The following RBMXL1 variants were observed in gnomAD, a reference collection of about 807,000 sequenced individuals.
RBMXL1 encodes the protein RNA binding motif protein, X-linked-like-1.
In RBMXL1, 18 loss-of-function variants were observed where a neutral mutation model predicts 29.0. The observed-to-expected ratio is 0.62, with a 90% CI of 0.43 to 0.92. The LOEUF is 0.92. RBMXL1 is among the 40% of genes least tolerant of loss of function. The pLI, the probability that RBMXL1 is intolerant of heterozygous loss-of-function variation, is 0.00. For synonymous variants in RBMXL1, 141 were observed against 170.4 expected, an observed-to-expected ratio of 0.83 and a Z score of 1.34; for missense variants, 403 against 495.8, an observed-to-expected ratio of 0.81 and a Z score of 1.78.
chr1:88,984,254 G>T (rs934008961), intron 2 of RBMXL1, among the ~76,000 whole-genome samples, 188 bp from the exon 3 acceptor site: 30 of 112,180 alleles, frequency 2.7e-4, no homozygotes, highest in African/African-American at 1.0e-3. Flanking sequence ...TCACAGTGTT[G>T]CCCAGGCTGG....
chr1:88,989,972 A>C (rs1013146535), intron 1 of RBMXL1, among the ~76,000 whole-genome samples: 3 of 152,152 alleles, frequency 2.0e-5, no homozygotes, highest in Non-Finnish European at 4.4e-5. Context: ...TTTCTACTAT[A>C]TTTTGTAGGT....
At chr1:88,985,740 C>A (rs1225637265) in intron 2 of RBMXL1, among the ~76,000 whole-genome samples, 1 of 152,190 alleles carries the variant, frequency 6.6e-6, no homozygotes, top group Middle Eastern at 3.4e-3. Context: ...TCATGGCATA[C>A]AATATATATA....
At chr1:88,990,631 TC>T (rs1422116272) in intron 1 of RBMXL1, among the ~76,000 whole-genome samples, 1 of 152,198 alleles carries the variant, frequency 6.6e-6, no homozygotes, top group African/African-American at 2.4e-5. Context: ...ATGATGGAAT[TC>T]CAAGACCTAG....
intron 2 of RBMXL1, among the ~76,000 whole-genome samples, chr1:88,986,244 C>G (rs1232821254): frequency 6.6e-6 from 1 of 150,634 alleles, no homozygotes; most frequent in Non-Finnish European, 1.5e-5. Flanking sequence ...AAGGACAGAC[C>G]TAAGGAAAAG....
chr1:88,987,451 T>G (rs1383893119), intron 2 of RBMXL1, among the ~76,000 whole-genome samples: 1 of 152,102 alleles, frequency 6.6e-6, no homozygotes, highest in Non-Finnish European at 1.5e-5. Flanking sequence ...CTGAGAAAAT[T>G]TTAAACCAGT....
chr1:88,992,311 C>T (rs904320321), intron 1 of RBMXL1, among the ~76,000 whole-genome samples: 3 of 152,380 alleles, frequency 2.0e-5, no homozygotes, highest in African/African-American at 7.2e-5. Context: ...TCTTCTCAGA[C>T]TGCCTTCTAA....
chr1:88,982,729 T>A lies in RBMXL1; in HGVS notation c.1098A>T (p.Ser366=). The part of the protein sequence containing the change: ...YPSSRDSYSS[S]SRGAPRGAGP... ...CAGCACCTCTTGGTGCTCCGCGGCT[T>A]GAACTGCTGTAGGAATCACGTGAAG... is the stretch of plus-strand genomic sequence containing the variant. The change falls in exon 3 of 3, where the codon TCA becomes TCT. Residue 366 remains serine, a synonymous_variant. Coordinates refer to ENST00000652648, the MANE Select transcript of RBMXL1 (RefSeq NM_001162536.3). The A allele has an allele frequency of 6.2e-7, 1 of 1,613,956 alleles. No homozygotes were observed. The highest frequency in any genetic ancestry group is 1.7e-5 in the Admixed American group (1 of 60,012).
chr1:88,983,531 G>A lies in RBMXL1; in HGVS notation c.296C>T (p.Pro99Leu), dbSNP rs747743165. Reference sequence around the variant, plus strand: ...TCTTGGAGGACCTCTACTTCTTGGAGGTGGGGGCGGTCCATGTCTACCTCT... The same window carrying A: ...TCTTGGAGGACCTCTACTTCTTGGAAGTGGGGGCGGTCCATGTCTACCTCT... ...FERGRHGPPP[P>L]PRSRGPPRGF... is the part of the protein sequence containing the mutation. Residue 99 changes from proline to leucine, a missense_variant, in exon 3 of 3, where the codon CCT (proline) becomes CTT (leucine). Physicochemically the swap from Pro to Leu is moderately conservative, Grantham distance 98 (BLOSUM62 -3). Transcript: ENST00000652648. 6.2e-7 allele frequency: 1 copy of A among 1,614,122 alleles called. No individual in the cohort carries two copies. The highest frequency in any genetic ancestry group is 2.2e-5 in the East Asian group (1 of 44,890).
rs376163037 is a variant in RBMXL1, at chr1:88,980,366, T to C, written c.*2288A>G. The C allele has an allele frequency of 7.9e-5, 12 of 152,416 alleles. No individual in the cohort carries two copies. The highest frequency in any genetic ancestry group is 7.7e-4 in the East Asian group (4 of 5,188). 9.4% of individuals were successfully genotyped at this position (152,416 alleles called of 1,614,324 possible). ...GAAATCATGCCTTCTTTTCTCCCTC[T>C]GGACCAAGCACCCGCCCAAGCAAGC... On this transcript the variant is annotated 3_prime_UTR_variant, in exon 3 of 3. Transcript: ENST00000652648.
rs539148382 is a variant in RBMXL1 at position 88,986,710 on chromosome 1, G to A, written c.-241+1542C>T. Among the ~76,000 whole-genome samples the A allele has an allele frequency of 6.6e-5, 10 of 152,070 alleles. No homozygotes were observed. In the East Asian group the frequency reaches 1.7e-3, roughly 27 times the overall value. ...CTATCCTTCATTCTATTCCCTTCCC[G>A]GCAGATTTTCATGACATTAAGGATG... On this transcript the variant is annotated intron_variant, in intron 2 of 2. Transcript: ENST00000652648.
intron 2 of RBMXL1, 99 bp from the exon 3 acceptor site, chr1:88,984,165 C>G: frequency 5.0e-6 from 1 of 201,900 alleles, no homozygotes; most frequent in Non-Finnish European, 1.0e-5. Flanking sequence ...ATATTAAGCT[C>G]AAAAGTGTGT....
At chr1:88,987,410 T>C (rs182562286) in intron 2 of RBMXL1, among the ~76,000 whole-genome samples, 7 of 152,274 alleles carry the variant, frequency 4.6e-5, no homozygotes, top group African/African-American at 1.7e-4. Flanking sequence ...TAGAAGACAC[T>C]GATGATGGTT....
chr1:88,982,969 C>T lies in RBMXL1; in HGVS notation c.858G>A (p.Glu286=), dbSNP rs1557705763. 1.2e-6 allele frequency: 2 copies of T among 1,613,746 alleles called. No homozygotes were observed. Among genetic ancestry groups the T allele is most frequent in the African/African-American group, 2.7e-5 (2 of 75,034 alleles). ...GAGCACTACGTGAGTTACCATAACT[C>T]TCATATGAATCTCTGTAGGAACCTC... ...PSGGSYRDSY[E]SYGNSRSAPL... Residue 286 remains glutamate, a synonymous_variant, in exon 3 of 3, where the codon GAG becomes GAA. Transcript: ENST00000652648.
Position 88,982,409 on chromosome 1 carries a change from T to C in RBMXL1, c.*245A>G. On this transcript the variant is annotated 3_prime_UTR_variant, in exon 3 of 3. Coordinates refer to ENST00000652648, the MANE Select transcript of RBMXL1 (RefSeq NM_001162536.3). The stretch of plus-strand genomic sequence containing the variant: ...ACTTGGAAAGTTACAACACTAGTAC[T>C]ACAAGGCTTAACACATTTAACATTT... The C allele has an allele frequency of 1.1e-6, 1 of 898,164 alleles. No homozygotes were observed. Among genetic ancestry groups the C allele is most frequent in the South Asian group, 2.0e-5 (1 of 49,088 alleles). 55.6% of individuals were successfully genotyped at this position (898,164 alleles called of 1,614,324 possible). A position where few individuals can be genotyped will look rare whatever the true frequency, so the allele number is the denominator to read the frequency against.
chr1:88,979,773 T>C lies in RBMXL1; in HGVS notation c.*2881A>G, dbSNP rs1249725025. On this transcript the variant is annotated 3_prime_UTR_variant, in exon 3 of 3. Coordinates refer to ENST00000652648, the MANE Select transcript of RBMXL1 (RefSeq NM_001162536.3). The stretch of plus-strand genomic sequence containing the variant: ...AACAAACAGTTTGGCAGTTACTTTA[T>C]TAAACATAAATCTGCCATGCAACCC... The C allele has an allele frequency of 6.6e-6, 1 of 152,218 alleles. No homozygotes were observed. Among genetic ancestry groups the C allele is most frequent in the African/African-American group, 2.4e-5 (1 of 41,466 alleles). 9.4% of individuals were successfully genotyped at this position (152,218 alleles called of 1,614,324 possible).
intron 2 of RBMXL1, among the ~76,000 whole-genome samples, chr1:88,987,514 G>A (rs1178226689): frequency 6.6e-6 from 1 of 152,030 alleles, no homozygotes; most frequent in Non-Finnish European, 1.5e-5. Flanking sequence ...AACCAGTTAT[G>A]ACAAAAATGG....
chr1:88,992,490 G>C (rs1002783867), intron 1 of RBMXL1, 95 bp downstream of exon 1: 4 of 152,786 alleles, frequency 2.6e-5, no homozygotes, highest in African/African-American at 9.6e-5. Context: ...CCGGCAAGAG[G>C]AGCCCGACCT....
In RBMXL1 at chr1:88,988,320, G is replaced by A. The variant is rs1160131620; in HGVS notation, c.-309C>T. The A allele has an allele frequency of 6.2e-7, 1 of 1,613,360 alleles. No homozygotes were observed. Among genetic ancestry groups the A allele is most frequent in the South Asian group, 1.1e-5 (1 of 90,910 alleles). Reference sequence around the variant, plus strand: ...TTCAGGAATTTTGCTCTACCGCTAAGAGAGCAGAGGCTCCTCTGGGCCAAA... The same window carrying A: ...TTCAGGAATTTTGCTCTACCGCTAAAAGAGCAGAGGCTCCTCTGGGCCAAA... On this transcript the variant is annotated 5_prime_UTR_variant, in exon 2 of 3. Transcript: ENST00000652648.
In RBMXL1 at chr1:88,983,073, G is replaced by A. The variant is rs374309282; in HGVS notation, c.754C>T (p.Arg252Cys). ...TYRDYGHSSS[R>C]DDYPSRGYGD... ...TAGCCTCTTGATGGATAGTCATCACGTGAACTGGAATGACCATAATCACGG... is the reference window on the plus strand; with the variant it reads ...TAGCCTCTTGATGGATAGTCATCACATGAACTGGAATGACCATAATCACGG... Residue 252 changes from arginine (R) to cysteine (C), a missense_variant, in exon 3 of 3, where the codon CGT (arginine) becomes TGT (cysteine). Arg to Cys is a radical substitution (Grantham distance 180). Coordinates refer to ENST00000652648, the MANE Select transcript of RBMXL1 (RefSeq NM_001162536.3). The A allele has an allele frequency of 1.6e-5, 25 of 1,612,318 alleles. No homozygotes were observed. The highest frequency in any genetic ancestry group is 1.3e-4 in the African/African-American group (10 of 74,810).
Sources: allele counts gnomAD v4.1 joint callset (sites outside exome capture counted in the v4.1 genomes callset), GRCh38; gene constraint gnomAD v4.1.1; transcripts MANE v1.5; gene names NCBI Gene and HGNC (gene_info 2026-07-23, HGNC 2026-07-21).